SOBP: variants seen among roughly 807,000 people sequenced by gnomAD.
SOBP encodes the protein sine oculis binding protein homolog, also known as sine oculis-binding protein homolog.
In SOBP, 4 loss-of-function variants were observed where a neutral mutation model predicts 53.6. That is an observed-to-expected ratio of 0.07 (90% confidence interval 0.04 to 0.17). The LOEUF (loss-of-function observed/expected upper bound fraction) is 0.17. SOBP is among the 10% of genes least tolerant of loss of function. The pLI is 1.00. For missense variants in SOBP, 1,088 were observed against 1,204.7 expected, an observed-to-expected ratio of 0.90 and a Z score of 1.43; for synonymous variants, 584 against 522.6, an observed-to-expected ratio of 1.12 and a Z score of -1.60.
At chr6:107,501,420 A>T (rs936905697) in intron 1 of SOBP, among the ~76,000 whole-genome samples, 1 of 152,214 alleles carries the variant, frequency 6.6e-6, no homozygotes, top group Non-Finnish European at 1.5e-5. Context: ...CAGAGGCTAG[A>T]CAGAAACAGG....
At chr6:107,545,298 G>A (rs945388853) in intron 4 of SOBP, among the ~76,000 whole-genome samples, 1 of 152,162 alleles carries the variant, frequency 6.6e-6, no homozygotes, top group Non-Finnish European at 1.5e-5. Context: ...GTTAATACAA[G>A]GGCAGACAGA....
At chr6:107,595,323 A>G (rs1785906224) in intron 5 of SOBP, among the ~76,000 whole-genome samples, 1 of 150,290 alleles carries the variant, frequency 6.7e-6, no homozygotes, top group African/African-American at 2.4e-5. Flanking sequence ...TGTCTTTTTA[A>G]AAGTCTGACT....
chr6:107,636,986 T>A (rs916388207), intron 6 of SOBP, among the ~76,000 whole-genome samples: 3 of 151,698 alleles, frequency 2.0e-5, no homozygotes, highest in South Asian at 2.1e-4. Flanking sequence ...CTGCATTTTT[T>A]AAAAAACCAC....
intron 5 of SOBP, among the ~76,000 whole-genome samples, chr6:107,593,969 A>C (rs552910267): frequency 1.3e-5 from 2 of 152,326 alleles, no homozygotes; most frequent in African/African-American, 4.8e-5. Flanking sequence ...CGGCATCGCA[A>C]ATGTTGCTGA....
Position 107,634,371 on chromosome 6 carries a change from C to T in SOBP, c.1527C>T (p.Phe509=). ...TGCCGGTGCCCCAGATGATGAATTT[C>T]GGGCTGCCGTCGCTTGCCCCGCTGG... ...GPMPVPQMMN[F]GLPSLAPLVP... Residue 509 remains phenylalanine (F), a synonymous_variant, in exon 6 of 7, where the codon TTC becomes TTT. Coordinates refer to ENST00000317357, the MANE Select transcript of SOBP (RefSeq NM_018013.4). The surrounding 1 kb of genome is among the most constrained non-coding windows in gnomAD (Gnocchi z 4.5). The T allele has an allele frequency of 1.3e-6, 2 of 1,594,078 alleles. No individual in the cohort carries two copies. The highest frequency in any genetic ancestry group is 1.1e-5 in the South Asian group (1 of 89,886).
At chr6:107,543,302 A>G (rs546987513) in intron 4 of SOBP, among the ~76,000 whole-genome samples, 2 of 152,122 alleles carry the variant, frequency 1.3e-5, no homozygotes, top group East Asian at 1.9e-4. Context: ...CCCAGTGGTC[A>G]TGGGACAGCT....
chr6:107,491,450 C>T (rs749269006), intron 1 of SOBP, among the ~76,000 whole-genome samples: 39 of 152,256 alleles, frequency 2.6e-4, no homozygotes, highest in Non-Finnish European at 4.8e-4. Context: ...GGAGTCCTCT[C>T]GGCGAGGCTG....
At chr6:107,628,089 T>C (rs1770539975) in intron 5 of SOBP, among the ~76,000 whole-genome samples, 1 of 152,238 alleles carries the variant, frequency 6.6e-6, no homozygotes, top group African/African-American at 2.4e-5. Flanking sequence ...TAATACAATA[T>C]GCATGGCACA....
intron 5 of SOBP, among the ~76,000 whole-genome samples, chr6:107,591,410 A>G (rs1276899464): frequency 6.6e-6 from 1 of 152,248 alleles, no homozygotes; most frequent in Non-Finnish European, 1.5e-5. Context: ...CTTGGAGTAC[A>G]GAGGAGGAAG....
At chr6:107,612,294 T>C (rs1311374060) in intron 5 of SOBP, among the ~76,000 whole-genome samples, 1 of 152,242 alleles carries the variant, frequency 6.6e-6, no homozygotes, top group Non-Finnish European at 1.5e-5. Context: ...CAGGTCAGTC[T>C]GAGTGCAGAA....
chr6:107,547,486 A>G (rs551362924), intron 4 of SOBP, among the ~76,000 whole-genome samples: 2 of 152,366 alleles, frequency 1.3e-5, no homozygotes, highest in South Asian at 4.1e-4. Context: ...TAAAAGGCTA[A>G]CGCTGAACTT....
At chr6:107,638,452 C>T (rs1771154441) in intron 6 of SOBP, among the ~76,000 whole-genome samples, 1 of 152,140 alleles carries the variant, frequency 6.6e-6, no homozygotes, top group South Asian at 2.1e-4. Flanking sequence ...CTCAGGTGAT[C>T]CACCCACCTC....
At chr6:107,496,699 C>G (rs1782706885) in intron 1 of SOBP, among the ~76,000 whole-genome samples, 1 of 152,176 alleles carries the variant, frequency 6.6e-6, no homozygotes, top group African/African-American at 2.4e-5. Context: ...TATATAAAGT[C>G]TGCACTGAGT....
chr6:107,498,653 G>GTTTGAT (rs1782758534), intron 1 of SOBP, among the ~76,000 whole-genome samples: 1 of 152,214 alleles, frequency 6.6e-6, no homozygotes, highest in Non-Finnish European at 1.5e-5. Context: ...TAAGGAAGGT[G>GTTTGAT]TTTGATGAAT....
chr6:107,565,293 T>C (rs935686911), intron 4 of SOBP, among the ~76,000 whole-genome samples: 3 of 152,166 alleles, frequency 2.0e-5, no homozygotes, highest in African/African-American at 2.4e-5. Flanking sequence ...CTGAGTCCCA[T>C]TGAGTTCTTC....
intron 5 of SOBP, among the ~76,000 whole-genome samples, chr6:107,613,841 T>A (rs923711186): frequency 5.9e-4 from 90 of 152,344 alleles, no homozygotes; most frequent in African/African-American, 2.1e-3. Context: ...TATTTGGGTT[T>A]TTAACAGGGG....
intron 4 of SOBP, among the ~76,000 whole-genome samples, chr6:107,559,920 A>G (rs758540189): frequency 6.6e-6 from 1 of 152,056 alleles, no homozygotes; most frequent in Non-Finnish European, 1.5e-5. Context: ...TCTTCTCTTA[A>G]AAGGAACTGT....
chr6:107,491,980 C>G (rs1355678819), intron 1 of SOBP, among the ~76,000 whole-genome samples: 2 of 152,170 alleles, frequency 1.3e-5, no homozygotes, highest in African/African-American at 4.8e-5. Flanking sequence ...ATATGCTTAG[C>G]TTTACTTCTC....
intron 4 of SOBP, among the ~76,000 whole-genome samples, chr6:107,582,580 GAAT>G (rs1785437168): frequency 6.6e-6 from 1 of 151,276 alleles, no homozygotes; most frequent in Non-Finnish European, 1.5e-5. Flanking sequence ...AATTTCCTTA[GAAT>G]AATAGGTCAA....
Sources: gnomAD v4.1 joint callset for allele counts (sites outside exome capture counted in the v4.1 genomes callset) on GRCh38, gnomAD v4.1.1 for gene constraint, Gnocchi (gnomAD v3.1) non-coding constraint, MANE v1.5 for transcripts, NCBI Gene and HGNC (gene_info 2026-07-23, HGNC 2026-07-21) for gene names.